Variants in CADPS2 observed in about 807,000 individuals in gnomAD.
The protein encoded by CADPS2 is calcium dependent secretion activator 2, also known as calcium-dependent secretion activator 2.
A neutral mutation model predicts 172.5 loss-of-function variants in CADPS2; 93 were observed. That is an observed-to-expected ratio of 0.54 (90% CI 0.46 to 0.64). CADPS2 has a LOEUF of 0.64. Ranked by LOEUF, CADPS2 falls within the 30% of genes least tolerant of loss-of-function variation. CADPS2 has a pLI of 0.00. For missense variants in CADPS2, 1,420 were observed against 1,565.9 expected, an observed-to-expected ratio of 0.91 and a Z score of 1.57; for synonymous variants, 546 against 555.2, an observed-to-expected ratio of 0.98 and a Z score of 0.23.
intron 1 of CADPS2, among the ~76,000 whole-genome samples, chr7:122,852,428 G>T (rs1190445972): frequency 1.3e-5 from 2 of 152,198 alleles, no homozygotes; most frequent in Admixed American, 6.5e-5. Flanking sequence ...AGTATATTAA[G>T]AGGTAATTAG....
chr7:122,748,687 A>C (rs1208020380), intron 1 of CADPS2, among the ~76,000 whole-genome samples: 1 of 152,170 alleles, frequency 6.6e-6, no homozygotes. Flanking sequence ...CTGCAAAAGA[A>C]GAAAAGTAGC....
chr7:122,598,922 C>A (rs2072318810), intron 6 of CADPS2, among the ~76,000 whole-genome samples: 1 of 151,944 alleles, frequency 6.6e-6, no homozygotes, highest in Non-Finnish European at 1.5e-5. Flanking sequence ...AGTGAGAGTT[C>A]TGGGGACTGA....
chr7:122,583,623 T>C (rs113101622), intron 6 of CADPS2, among the ~76,000 whole-genome samples: 272 of 150,834 alleles, frequency 1.8e-3, no homozygotes, highest in African/African-American at 6.2e-3. Flanking sequence ...GATATATACA[T>C]AATATATAAA....
chr7:122,589,651 A>G (rs939497080), intron 6 of CADPS2, among the ~76,000 whole-genome samples: 1 of 151,952 alleles, frequency 6.6e-6, no homozygotes, highest in African/African-American at 2.4e-5. Flanking sequence ...GATCCAAACT[A>G]TAAGAGATAA....
At chr7:122,382,005 A>G (rs1269349920) in intron 24 of CADPS2, among the ~76,000 whole-genome samples, 1 of 152,110 alleles carries the variant, frequency 6.6e-6, no homozygotes, top group Non-Finnish European at 1.5e-5. Context: ...CAGTTGGTGG[A>G]GGTCGTATAG....
At chr7:122,876,857 C>A (rs1821352616) in intron 1 of CADPS2, among the ~76,000 whole-genome samples, 1 of 151,970 alleles carries the variant, frequency 6.6e-6, no homozygotes, top group Admixed American at 6.6e-5. Context: ...AAAACAGGGT[C>A]TGGATGCAGG....
At chr7:122,632,800 T>C (rs1041228830) in intron 3 of CADPS2, among the ~76,000 whole-genome samples, 32 of 152,100 alleles carry the variant, frequency 2.1e-4, no homozygotes, top group African/African-American at 7.7e-4. Flanking sequence ...TATTTCCTAG[T>C]ATTTCTTTTA....
intron 2 of CADPS2, among the ~76,000 whole-genome samples, chr7:122,727,619 C>A (rs1012807833): frequency 6.6e-6 from 1 of 151,798 alleles, no homozygotes; most frequent in Non-Finnish European, 1.5e-5. Context: ...AATGCTCAAA[C>A]AAGATGTTTT....
intron 15 of CADPS2, among the ~76,000 whole-genome samples, chr7:122,448,594 C>T (rs1388251618): frequency 6.6e-6 from 1 of 152,120 alleles, no homozygotes; most frequent in Admixed American, 6.5e-5. Context: ...CTGTCCACTA[C>T]TATGTAGTTG....
chr7:122,742,668 T>C (rs1289151026), intron 1 of CADPS2, among the ~76,000 whole-genome samples: 4 of 152,294 alleles, frequency 2.6e-5, no homozygotes, highest in South Asian at 4.2e-4. Flanking sequence ...CTGACTTACA[T>C]TGTGCTTATA....
At chr7:122,885,911 G>T in intron 1 of CADPS2, 88 bp downstream of exon 1, 2 of 1,448,934 alleles carry the variant, frequency 1.4e-6, no homozygotes, top group Non-Finnish European at 9.5e-7. Flanking sequence ...CCTGCGTTTC[G>T]CAGAAGGACG....
intron 24 of CADPS2, among the ~76,000 whole-genome samples, chr7:122,380,746 A>G (rs2042905365): frequency 6.6e-6 from 1 of 152,090 alleles, no homozygotes; most frequent in South Asian, 2.1e-4. Flanking sequence ...CACTGATGTG[A>G]ATGTGGAATT....
At chr7:122,386,012 T>C (rs996801720) in intron 24 of CADPS2, among the ~76,000 whole-genome samples, 1 of 152,108 alleles carries the variant, frequency 6.6e-6, no homozygotes, top group African/African-American at 2.4e-5. Flanking sequence ...TAAATAATTT[T>C]ATCTTTAAAA....
rs571283904 is a variant in CADPS2, at chr7:122,410,967, A to T, written c.2589+3101T>A. On this transcript the variant is annotated intron_variant, in intron 19 of 29. Transcript: ENST00000449022. ...AACAGAGATTAAATAACTTGCCCAA[A>T]GTCATACAGTTGGTAGATAACAAAG... Among the ~76,000 whole-genome samples the T allele has an allele frequency of 6.6e-5, 10 of 152,294 alleles. No homozygotes were observed. The South Asian group carries it at 2.1e-3, about 32-fold the overall frequency.
chr7:122,325,429 T>C (rs746915301), intron 29 of CADPS2, 48 bp downstream of exon 29: 7 of 1,213,532 alleles, frequency 5.8e-6, no homozygotes, highest in Non-Finnish European at 8.4e-6. Context: ...CTTGCCATTA[T>C]TCCTTATAGC....
chr7:122,490,925 G>A (rs996169897), intron 10 of CADPS2, among the ~76,000 whole-genome samples: 1 of 152,042 alleles, frequency 6.6e-6, no homozygotes, highest in Non-Finnish European at 1.5e-5. Context: ...AGAGAGAGAA[G>A]TACAAGCATG....
intron 1 of CADPS2, among the ~76,000 whole-genome samples, chr7:122,804,961 C>T (rs971226486): frequency 6.6e-6 from 1 of 152,080 alleles, no homozygotes; most frequent in African/African-American, 2.4e-5. Flanking sequence ...TCTATCACAA[C>T]CTTGTGTACT....
chr7:122,576,374 G>T (rs1187349630), intron 7 of CADPS2, among the ~76,000 whole-genome samples: 1 of 152,160 alleles, frequency 6.6e-6, no homozygotes, highest in East Asian at 1.9e-4. Context: ...AGGTTACTGA[G>T]GTCTGTTTCT....
intron 1 of CADPS2, among the ~76,000 whole-genome samples, chr7:122,799,840 A>G (rs527324595): frequency 4.6e-5 from 7 of 152,244 alleles, no homozygotes; most frequent in Admixed American, 4.6e-4. Context: ...TCTCATATTC[A>G]TACTTCTTTC....
Sources: allele counts gnomAD v4.1 joint callset (sites outside exome capture counted in the v4.1 genomes callset), GRCh38; gene constraint gnomAD v4.1.1; transcripts MANE v1.5; gene names NCBI Gene and HGNC (gene_info 2026-07-23, HGNC 2026-07-21).